The following ERMP1 variants were observed in gnomAD, a reference collection of about 807,000 sequenced individuals.
ERMP1 encodes Felix-ina.
ERMP1 carries 86 observed loss-of-function variants against 92.0 expected under a neutral mutation model. The observed-to-expected ratio is 0.93, with a 90% CI of 0.79 to 1.12. ERMP1 has a LOEUF of 1.12. ERMP1 is among the 50% of genes most tolerant of loss of function. The pLI is 0.00. For missense variants in ERMP1, 1,342 were observed against 1,116.3 expected (o/e 1.20, Z -2.88); for synonymous variants, 530 against 412.8 (o/e 1.28, Z -3.44).
intron 8 of ERMP1, among the ~76,000 whole-genome samples, chr9:5,806,801 G>C (rs1371937057): frequency 6.6e-6 from 1 of 152,044 alleles, no homozygotes; most frequent in Non-Finnish European, 1.5e-5. Flanking sequence ...AAACATGAAA[G>C]TTTTAATTAC....
intron 2 of ERMP1, among the ~76,000 whole-genome samples, chr9:5,827,851 G>A (rs1366698049): frequency 2.6e-5 from 4 of 151,352 alleles, no homozygotes; most frequent in Non-Finnish European, 4.4e-5. Context: ...GGTGGTGGGC[G>A]CCTATAGTCC....
intron 13 of ERMP1, among the ~76,000 whole-genome samples, chr9:5,789,587 T>C (rs1828087686): frequency 6.6e-6 from 1 of 152,232 alleles, no homozygotes. Context: ...CTCTATCACC[T>C]AGGTTCGAGT....
intron 2 of ERMP1, among the ~76,000 whole-genome samples, chr9:5,828,604 T>C (rs936091940): frequency 4.6e-5 from 7 of 152,236 alleles, no homozygotes; most frequent in African/African-American, 1.4e-4. Context: ...TATTGTTTGG[T>C]TGAAGATGCT....
chr9:5,834,985 G>GTA (rs1333559428), upstream of ERMP1, among the ~76,000 whole-genome samples: 96 of 109,510 alleles, frequency 8.8e-4, no homozygotes, highest in Middle Eastern at 0.016. Context: ...AGATGTGTGT[G>GTA]TGTGTGTGTG....
At chr9:5,789,960 G>C (rs1369744203) in intron 13 of ERMP1, among the ~76,000 whole-genome samples, 1 of 150,710 alleles carries the variant, frequency 6.6e-6, no homozygotes, top group Admixed American at 6.6e-5. Context: ...CCCCCAAAGT[G>C]AGCCACCACA....
intron 2 of ERMP1, among the ~76,000 whole-genome samples, chr9:5,828,094 T>C (rs766962045): frequency 6.6e-6 from 1 of 151,834 alleles, no homozygotes; most frequent in Non-Finnish European, 1.5e-5. Flanking sequence ...ACTTAAGGAG[T>C]TCAAGACCAG....
intron 1 of ERMP1, among the ~76,000 whole-genome samples, chr9:5,832,278 C>T (rs930742397): frequency 3.3e-5 from 5 of 152,204 alleles, no homozygotes; most frequent in Admixed American, 3.3e-4. Context: ...TAGCGCCTTC[C>T]AAAACTCCCC....
At chr9:5,824,918 A>G (rs765245127) in intron 3 of ERMP1, among the ~76,000 whole-genome samples, 174 bp downstream of exon 3, 42 of 152,202 alleles carry the variant, frequency 2.8e-4, no homozygotes, top group Admixed American at 5.2e-4. Flanking sequence ...ACATCTCTAC[A>G]TAAGTGGTTG....
At chr9:5,811,364 A>G (rs753478204) in intron 6 of ERMP1, 41 bp from the exon 7 acceptor site, 1 of 1,476,588 alleles carries the variant, frequency 6.8e-7, no homozygotes, top group Admixed American at 2.0e-5. Flanking sequence ...AAAAGGAAAA[A>G]GATAAAAAGG....
intron 6 of ERMP1, among the ~76,000 whole-genome samples, chr9:5,857,957 G>T (rs1383339957): frequency 6.6e-6 from 1 of 152,244 alleles, no homozygotes; most frequent in Non-Finnish European, 1.5e-5. Flanking sequence ...ACATATTTGA[G>T]CACCTCCTAT....
intron 5 of ERMP1, among the ~76,000 whole-genome samples, chr9:5,865,075 C>G (rs1830612056): frequency 6.6e-6 from 1 of 152,044 alleles, no homozygotes; most frequent in Non-Finnish European, 1.5e-5. Flanking sequence ...AATTATGGTA[C>G]AATTGCTAGA....
chr9:5,791,178 A>C, intron 13 of ERMP1: 1 of 456,374 alleles, frequency 2.2e-6, no homozygotes, highest in Non-Finnish European at 4.4e-6. Flanking sequence ...GTACAGAGAG[A>C]AAGAGAGAGA....
chr9:5,862,092 C>T (rs985133015), intron 5 of ERMP1, among the ~76,000 whole-genome samples: 3 of 152,110 alleles, frequency 2.0e-5, no homozygotes, highest in Non-Finnish European at 4.4e-5. Flanking sequence ...CGCAGTGACA[C>T]AATCATGGCT....
At chr9:5,847,368 A>T (rs1483308115) in intron 6 of ERMP1, among the ~76,000 whole-genome samples, 2 of 151,912 alleles carry the variant, frequency 1.3e-5, no homozygotes, top group Non-Finnish European at 2.9e-5. Context: ...CCCTCCAAGT[A>T]GCTAGGACCA....
At chr9:5,806,089 T>TA (rs1563755462) in intron 8 of ERMP1, among the ~76,000 whole-genome samples, 1 of 152,212 alleles carries the variant, frequency 6.6e-6, no homozygotes, top group African/African-American at 2.4e-5. Context: ...AGGACTCTCC[T>TA]AAAAAACAAT....
intron 8 of ERMP1, among the ~76,000 whole-genome samples, chr9:5,808,398 A>C (rs919195920): frequency 1.3e-5 from 2 of 152,232 alleles, no homozygotes; most frequent in African/African-American, 4.8e-5. Context: ...TTGGGAACTG[A>C]AGCCACTAAG....
intron 8 of ERMP1, among the ~76,000 whole-genome samples, chr9:5,809,211 G>A (rs917739574): frequency 2.6e-5 from 4 of 151,648 alleles, no homozygotes; most frequent in Non-Finnish European, 4.4e-5. Context: ...TAGTAGAGAC[G>A]GGGTTTCACC....
intron 4 of ERMP1, among the ~76,000 whole-genome samples, chr9:5,815,390 G>C (rs573610488): frequency 2.0e-5 from 3 of 148,174 alleles, no homozygotes; most frequent in African/African-American, 7.5e-5. Flanking sequence ...GCACTGATTT[G>C]AAATAGACAC....
intron 6 of ERMP1, among the ~76,000 whole-genome samples, chr9:5,851,198 CTCTA>C (rs1830303939): frequency 6.6e-6 from 1 of 152,190 alleles, no homozygotes; most frequent in Admixed American, 6.5e-5. Flanking sequence ...CTTCTCTTTT[CTCTA>C]TCTACTAGGA....
Sources: gnomAD v4.1 joint callset for allele counts (sites outside exome capture counted in the v4.1 genomes callset) on GRCh38, gnomAD v4.1.1 for gene constraint, MANE v1.5 for transcripts, NCBI Gene and HGNC (gene_info 2026-07-23, HGNC 2026-07-21) for gene names.